Variants in PARD3B observed in about 807,000 individuals in gnomAD.
PARD3B encodes par-3 family cell polarity regulator beta, also known as partitioning defective 3 homolog B.
A neutral mutation model predicts 130.2 loss-of-function variants in PARD3B; 103 were observed. That is an observed-to-expected ratio of 0.79 (90% confidence interval 0.67 to 0.93). PARD3B has a LOEUF of 0.93. PARD3B is among the 40% of genes least tolerant of loss of function. PARD3B has a pLI of 0.00. For missense variants in PARD3B, 1,609 were observed against 1,499.2 expected (o/e 1.07, Z -1.21); for synonymous variants, 583 against 553.2 (o/e 1.05, Z -0.76).
intron 1 of PARD3B, among the ~76,000 whole-genome samples, chr2:204,652,060 G>A (rs1441190434): frequency 6.6e-6 from 1 of 152,140 alleles, no homozygotes; most frequent in African/African-American, 2.4e-5. Context: ...GATGGGAGGG[G>A]CTGCTGTGAA....
rs1281720848 is a variant in PARD3B, at chr2:205,156,411, AT to A, written c.1435-2310del. On this transcript the variant is annotated intron_variant, in intron 10 of 22. Coordinates refer to ENST00000406610, the MANE Select transcript of PARD3B (RefSeq NM_001302769.2). The stretch of plus-strand genomic sequence containing the variant: ...CATGTACCCTAAAACTTAAAGTATA[AT>A]AATAATAAAATTTAAAAAAAAAGAA... Among the ~76,000 whole-genome samples the A allele has an allele frequency of 3.3e-5, 5 of 152,148 alleles. No individual in the cohort carries two copies. In the East Asian group the frequency reaches 9.6e-4, roughly 29 times the overall value.
chr2:204,867,084 T>TAAATA (rs908192049), intron 2 of PARD3B, among the ~76,000 whole-genome samples: 2 of 151,850 alleles, frequency 1.3e-5, no homozygotes, highest in East Asian at 1.9e-4. Context: ...AAAAAATAAA[T>TAAATA]AAATAAAATA....
intron 5 of PARD3B, among the ~76,000 whole-genome samples, chr2:205,110,218 T>G (rs1331641582): frequency 6.6e-6 from 1 of 152,214 alleles, no homozygotes; most frequent in African/African-American, 2.4e-5. Flanking sequence ...TCCATTTGCC[T>G]TGTGTAAAGA....
chr2:205,111,552 T>A (rs1703648051), intron 5 of PARD3B, among the ~76,000 whole-genome samples: 1 of 152,064 alleles, frequency 6.6e-6, no homozygotes. Context: ...GAAGGGATTT[T>A]GAGTGGGAGT....
At chr2:204,898,698 G>T (rs1014615830) in intron 2 of PARD3B, among the ~76,000 whole-genome samples, 1 of 152,166 alleles carries the variant, frequency 6.6e-6, no homozygotes, top group East Asian at 1.9e-4. Context: ...TGGATGATCT[G>T]TCTCAAGCTG....
intron 18 of PARD3B, among the ~76,000 whole-genome samples, chr2:205,367,990 T>A (rs2044671703): frequency 6.6e-6 from 1 of 152,224 alleles, no homozygotes; most frequent in Non-Finnish European, 1.5e-5. Flanking sequence ...GTGGTATTTA[T>A]TTACGTTAGC....
chr2:205,512,481 A>T (rs1018335898), intron 21 of PARD3B, among the ~76,000 whole-genome samples: 1 of 152,150 alleles, frequency 6.6e-6, no homozygotes, highest in Non-Finnish European at 1.5e-5. Context: ...ATTCCGTGTC[A>T]TCTCTCACTC....
intron 3 of PARD3B, among the ~76,000 whole-genome samples, chr2:205,029,385 T>C (rs140082734): frequency 8.8e-4 from 134 of 152,266 alleles, no homozygotes; most frequent in African/African-American, 3.1e-3. Flanking sequence ...TCCTTTGCTC[T>C]ACCTCATCCT....
At chr2:204,862,227 A>G (rs528808190) in intron 2 of PARD3B, among the ~76,000 whole-genome samples, 21 of 152,274 alleles carry the variant, frequency 1.4e-4, no homozygotes, top group African/African-American at 5.1e-4. Flanking sequence ...TCTTGCTGGA[A>G]GTGCAGTGGA....
intron 1 of PARD3B, among the ~76,000 whole-genome samples, chr2:204,676,428 C>T (rs115751591): frequency 0.016 from 2,474 of 151,836 alleles, 35 homozygotes; most frequent in Middle Eastern, 0.072. Context: ...GCAGAATTGC[C>T]GAATCTATTA....
At chr2:205,026,131 A>G (rs1026215706) in intron 3 of PARD3B, among the ~76,000 whole-genome samples, 1 of 152,302 alleles carries the variant, frequency 6.6e-6, no homozygotes, top group South Asian at 2.1e-4. Context: ...TAACAATGCA[A>G]TGAAGAAAAT....
intron 15 of PARD3B, among the ~76,000 whole-genome samples, chr2:205,220,549 T>C (rs13029904): frequency 6.6e-6 from 1 of 152,184 alleles, no homozygotes; most frequent in African/African-American, 2.4e-5. Flanking sequence ...TCAGACATGT[T>C]CTAGGCTCCA....
At chr2:205,522,920 T>C (rs535682138) in intron 21 of PARD3B, among the ~76,000 whole-genome samples, 6 of 152,230 alleles carry the variant, frequency 3.9e-5, no homozygotes, top group Admixed American at 2.6e-4. Context: ...GTTTTTGATA[T>C]TGTAAATACT....
chr2:204,892,243 G>A (rs980834918), intron 2 of PARD3B, among the ~76,000 whole-genome samples: 4 of 152,160 alleles, frequency 2.6e-5, no homozygotes, highest in African/African-American at 9.6e-5. Flanking sequence ...TCCAGCAGGA[G>A]CAAAGGAACA....
intron 21 of PARD3B, among the ~76,000 whole-genome samples, chr2:205,535,296 A>G (rs1246236712): frequency 6.6e-6 from 1 of 152,162 alleles, no homozygotes; most frequent in Non-Finnish European, 1.5e-5. Context: ...AGTTGGCCCC[A>G]GTCAATAGGT....
intron 10 of PARD3B, among the ~76,000 whole-genome samples, chr2:205,147,357 A>C (rs1226631897): frequency 1.3e-5 from 2 of 152,180 alleles, no homozygotes; most frequent in East Asian, 3.8e-4. Flanking sequence ...TAGGAATCTT[A>C]AATCTGACTT....
At chr2:204,663,550 G>T (rs1574643230) in intron 1 of PARD3B, among the ~76,000 whole-genome samples, 1 of 152,212 alleles carries the variant, frequency 6.6e-6, no homozygotes, top group Non-Finnish European at 1.5e-5. Flanking sequence ...ATTGAAGGTA[G>T]ATGGATAGGA....
chr2:204,934,911 A>G (rs1331864837), intron 2 of PARD3B, among the ~76,000 whole-genome samples: 9 of 152,168 alleles, frequency 5.9e-5, no homozygotes, highest in Non-Finnish European at 1.0e-4. Context: ...TGATTTAATA[A>G]TAGAAGAAAA....
Position 204,675,586 on chromosome 2 carries a change from A to G in PARD3B, c.121-10595A>G, listed in dbSNP as rs2036498032. On this transcript the variant is annotated intron_variant, in intron 1 of 22. Coordinates refer to ENST00000406610, the MANE Select transcript of PARD3B (RefSeq NM_001302769.2). The surrounding 1 kb of genome is among the most constrained non-coding windows in gnomAD (Gnocchi z 4.4). ...TCTTTATTAAAAAAAAGCTCTATCT[A>G]GATCTGGACCTTTTCTTCTCAAATA... 6.6e-6 allele frequency among the ~76,000 whole-genome samples: 1 copy of G among 152,118 alleles called. No homozygotes were observed. The highest frequency in any genetic ancestry group is 6.5e-5 in the Admixed American group (1 of 15,270).
Sources: gnomAD v4.1 joint callset for allele counts (sites outside exome capture counted in the v4.1 genomes callset) on GRCh38, gnomAD v4.1.1 for gene constraint, Gnocchi (gnomAD v3.1) non-coding constraint, MANE v1.5 for transcripts, NCBI Gene and HGNC (gene_info 2026-07-23, HGNC 2026-07-21) for gene names.